The following CNTN5 variants were observed in gnomAD, a reference collection of about 807,000 sequenced individuals.
CNTN5 encodes the protein contactin 5.
Under a neutral mutation model 129.1 loss-of-function variants are expected in CNTN5, and 77 were observed. The ratio of observed to expected loss-of-function variants is 0.60; its 90% CI spans 0.50 to 0.72. The LOEUF (loss-of-function observed/expected upper bound fraction) is 0.72. Ranked by LOEUF, CNTN5 falls within the 30% of genes least tolerant of loss-of-function variation. The pLI, the probability that CNTN5 is intolerant of heterozygous loss-of-function variation, is 0.00. For synonymous variants in CNTN5, 509 were observed against 465.6 expected, an observed-to-expected ratio of 1.09 and a Z score of -1.20; for missense variants, 1,478 against 1,328.8, an observed-to-expected ratio of 1.11 and a Z score of -1.75.
At chr11:99,706,313 C>T (rs1367748879) in intron 3 of CNTN5, among the ~76,000 whole-genome samples, 1 of 151,526 alleles carries the variant, frequency 6.6e-6, no homozygotes, top group East Asian at 2.0e-4. Flanking sequence ...CTTAATCTCA[C>T]ATGTAAGCAA....
intron 2 of CNTN5, among the ~76,000 whole-genome samples, chr11:99,432,556 T>G (rs1004020030): frequency 1.3e-5 from 2 of 151,412 alleles, no homozygotes; most frequent in Non-Finnish European, 2.9e-5. Flanking sequence ...GGGTAGTATA[T>G]TGAGAACATG....
intron 2 of CNTN5, among the ~76,000 whole-genome samples, chr11:99,539,107 T>A (rs1036311456): frequency 5.9e-5 from 9 of 152,096 alleles, no homozygotes; most frequent in Non-Finnish European, 1.3e-4. Context: ...TATTCATAGA[T>A]AACTTGAACT....
At chr11:99,097,319 C>T (rs1455175767) in intron 1 of CNTN5, among the ~76,000 whole-genome samples, 1 of 151,780 alleles carries the variant, frequency 6.6e-6, no homozygotes, top group Non-Finnish European at 1.5e-5. Flanking sequence ...AGATTATATA[C>T]GTTCCACTGG....
chr11:99,685,379 T>A (rs1197994193), intron 3 of CNTN5, among the ~76,000 whole-genome samples: 1 of 151,826 alleles, frequency 6.6e-6, no homozygotes, highest in Non-Finnish European at 1.5e-5. Context: ...GTCACTTAGG[T>A]CATATTGTTG....
intron 7 of CNTN5, among the ~76,000 whole-genome samples, chr11:99,953,708 A>G (rs558415519): frequency 1.3e-5 from 2 of 152,350 alleles, no homozygotes; most frequent in South Asian, 4.1e-4. Flanking sequence ...GTGTCTGCCC[A>G]AGTCAGACTC....
chr11:99,978,782 T>C (rs1040151983), intron 8 of CNTN5, among the ~76,000 whole-genome samples: 17 of 152,320 alleles, frequency 1.1e-4, no homozygotes, highest in African/African-American at 4.1e-4. Context: ...CTGCTTATTT[T>C]ATGACATTTA....
At chr11:99,810,431 A>G (rs1478997650) in intron 3 of CNTN5, among the ~76,000 whole-genome samples, 3 of 152,082 alleles carry the variant, frequency 2.0e-5, no homozygotes, top group Non-Finnish European at 4.4e-5. Flanking sequence ...TCAAAGTTTA[A>G]ATGCCTGACT....
chr11:100,234,792 T>TAAAAAAAAA (rs781363668), intron 16 of CNTN5, among the ~76,000 whole-genome samples: 128 of 101,770 alleles, frequency 1.3e-3, no homozygotes, highest in East Asian at 3.4e-3. Flanking sequence ...TCCCAGAATT[T>TAAAAAAAAA]AAAAAAAAAA....
chr11:100,145,490 A>G (rs1337811214), intron 13 of CNTN5, among the ~76,000 whole-genome samples: 1 of 152,160 alleles, frequency 6.6e-6, no homozygotes. Flanking sequence ...ACATGTCTGA[A>G]CACACGGTTT....
At chr11:99,312,111 A>T (rs1477247033) in intron 1 of CNTN5, among the ~76,000 whole-genome samples, 1 of 152,214 alleles carries the variant, frequency 6.6e-6, no homozygotes, top group Non-Finnish European at 1.5e-5. Flanking sequence ...AATGTAGTAC[A>T]GAAAATGTGT....
At chr11:99,210,878 A>G (rs1329878501) in intron 1 of CNTN5, among the ~76,000 whole-genome samples, 2 of 152,136 alleles carry the variant, frequency 1.3e-5, no homozygotes, top group African/African-American at 4.8e-5. Flanking sequence ...TGGTTCACTG[A>G]TGTATCCTAA....
intron 3 of CNTN5, among the ~76,000 whole-genome samples, chr11:99,780,639 T>G (rs1400998455): frequency 6.6e-6 from 1 of 152,182 alleles, no homozygotes; most frequent in East Asian, 1.9e-4. Context: ...TATTAAAATT[T>G]TAAGAACAGT....
chr11:99,828,930 C>A (rs893781281), intron 4 of CNTN5, among the ~76,000 whole-genome samples: 1 of 152,080 alleles, frequency 6.6e-6, no homozygotes. Flanking sequence ...TTGCTATATT[C>A]TATTTCCAGC....
intron 2 of CNTN5, among the ~76,000 whole-genome samples, chr11:99,477,967 T>G (rs1026330711): frequency 1.8e-4 from 27 of 152,046 alleles, no homozygotes; most frequent in African/African-American, 6.5e-4. Context: ...AGAGACACAT[T>G]GCAGAGGTTT....
At chr11:100,033,133 T>C (rs1941809185) in intron 9 of CNTN5, among the ~76,000 whole-genome samples, 1 of 152,192 alleles carries the variant, frequency 6.6e-6, no homozygotes, top group South Asian at 2.1e-4. Flanking sequence ...TTTGACAGAA[T>C]ATAGACAGTT....
intron 3 of CNTN5, among the ~76,000 whole-genome samples, chr11:99,722,562 A>G (rs1943207984): frequency 2.0e-5 from 3 of 152,034 alleles, no homozygotes; most frequent in Admixed American, 1.3e-4. Context: ...AATAATATCT[A>G]CAACAAATCC....
intron 7 of CNTN5, among the ~76,000 whole-genome samples, chr11:99,941,571 A>ACACACACACACACACAC (rs140118352): frequency 4.0e-5 from 6 of 148,270 alleles, no homozygotes; most frequent in Non-Finnish European, 8.9e-5. Context: ...ACATAAGACA[A>ACACACACACACACACAC]ACACACACAC....
chr11:100,081,227 A>G (rs1013720822), intron 13 of CNTN5, among the ~76,000 whole-genome samples: 5 of 152,164 alleles, frequency 3.3e-5, no homozygotes, highest in African/African-American at 1.2e-4. Flanking sequence ...GAAAGAAAAC[A>G]CAGTCATAGC....
chr11:99,915,399 A>G (rs545006513), intron 6 of CNTN5, among the ~76,000 whole-genome samples: 21 of 152,140 alleles, frequency 1.4e-4, no homozygotes, highest in African/African-American at 2.2e-4. Context: ...CTCCAATACT[A>G]TAATCCCTTT....
Sources: allele counts gnomAD v4.1 joint callset (sites outside exome capture counted in the v4.1 genomes callset), GRCh38; gene constraint gnomAD v4.1.1; transcripts MANE v1.5; gene names NCBI Gene and HGNC (gene_info 2026-07-23, HGNC 2026-07-21).